Variants in CYFIP1 observed in about 807,000 individuals in gnomAD.
CYFIP1 encodes the protein cytoplasmic FMR1-interacting protein 1.
A neutral mutation model predicts 163.5 loss-of-function variants in CYFIP1; 58 were observed. That is an observed-to-expected ratio of 0.35 (90% CI 0.29 to 0.44). The LOEUF is 0.44. Among genes scored for constraint, CYFIP1 ranks in the 20% least tolerant of loss-of-function variants. CYFIP1 has a pLI of 1.00. For missense variants in CYFIP1, 1,338 were observed against 1,653.8 expected, an observed-to-expected ratio of 0.81 and a Z score of 3.31; for synonymous variants, 663 against 660.7, an observed-to-expected ratio of 1.00 and a Z score of -0.05.
intron 20 of CYFIP1, 36 bp downstream of exon 20, chr15:22,910,484 A>G (rs757348063): frequency 3.2e-6 from 5 of 1,558,838 alleles, no homozygotes; most frequent in East Asian, 4.5e-5. Context: ...TTCAATGCAC[A>G]CTCTACGTCC....
chr15:22,887,932 C>T (rs1381494899), intron 23 of CYFIP1, among the ~76,000 whole-genome samples: 1 of 152,164 alleles, frequency 6.6e-6, no homozygotes, highest in Admixed American at 6.5e-5. Context: ...ACAGAGCCGG[C>T]TCTGGACTCG....
intron 8 of CYFIP1, among the ~76,000 whole-genome samples, chr15:22,938,396 G>C (rs1225180048): frequency 6.6e-6 from 1 of 152,114 alleles, no homozygotes; most frequent in African/African-American, 2.4e-5. Context: ...CTTGAGCCCA[G>C]GAGTTCAAGG....
At chr15:22,871,894 G>T (rs562988833) in intron 30 of CYFIP1, among the ~76,000 whole-genome samples, 8 of 152,312 alleles carry the variant, frequency 5.3e-5, no homozygotes, top group Non-Finnish European at 7.4e-5. Context: ...AGAGGACCCA[G>T]CTGGGCCTGG....
chr15:22,929,707 G>A (rs376087152), intron 11 of CYFIP1, among the ~76,000 whole-genome samples: 3 of 149,320 alleles, frequency 2.0e-5, no homozygotes, highest in South Asian at 4.3e-4. Context: ...AGGCCGAGAC[G>A]GGCGGATCAC....
Position 22,912,283 on chromosome 15 carries a change from G to A in CYFIP1, c.1986-8C>T, listed in dbSNP as rs1000775575. The A allele has an allele frequency of 1.2e-6, 2 of 1,605,710 alleles. No homozygotes were observed. Among genetic ancestry groups the A allele is most frequent in the African/African-American group, 2.7e-5 (2 of 74,608 alleles). On this transcript the variant is annotated splice_polypyrimidine_tract_variant and splice_region_variant and intron_variant, in intron 17 of 30. Coordinates refer to ENST00000617928, the MANE Select transcript of CYFIP1 (RefSeq NM_014608.6). Reference sequence around the variant, plus strand: ...AGGGAGTAGAGCACGTACCTGCAGAGGACAGCAGCAGTGTGACCAGCAGCC... The same window carrying A: ...AGGGAGTAGAGCACGTACCTGCAGAAGACAGCAGCAGTGTGACCAGCAGCC...
chr15:22,934,542 C>T (rs375427679), intron 9 of CYFIP1, among the ~76,000 whole-genome samples: 7 of 89,746 alleles, frequency 7.8e-5, no homozygotes, highest in South Asian at 4.0e-4. Flanking sequence ...TACTAGGCTG[C>T]GCTGCAGTGC....
In CYFIP1 at chr15:22,867,205, A is replaced by T; in HGVS notation, c.*2823T>A. 2.4e-6 allele frequency: 1 copy of T among 421,168 alleles called. No individual in the cohort carries two copies. The highest frequency in any genetic ancestry group is 4.2e-6 in the Non-Finnish European group (1 of 240,084). 26.1% of individuals were successfully genotyped at this position (421,168 alleles called of 1,614,324 possible). On this transcript the variant is annotated 3_prime_UTR_variant, in exon 31 of 31. Transcript: ENST00000617928. ...AATGTGCATTTGTCATCCCCACTCC[A>T]TCAATCCCTGACCATGTAAGGCTTT...
intron 1 of CYFIP1, among the ~76,000 whole-genome samples, chr15:22,975,126 T>C (rs1369816256): frequency 6.6e-6 from 1 of 152,230 alleles, no homozygotes; most frequent in Non-Finnish European, 1.5e-5. Flanking sequence ...GAGAACACAG[T>C]ATGTAATACA....
chr15:22,956,548 C>T (rs1219314549), intron 1 of CYFIP1, among the ~76,000 whole-genome samples: 1 of 152,144 alleles, frequency 6.6e-6, no homozygotes, highest in Non-Finnish European at 1.5e-5. Flanking sequence ...TGGGAGAACA[C>T]AGGCCCCGTG....
rs746983048 is a variant in CYFIP1, at chr15:22,916,824, G to A, written c.1675-194C>T. On this transcript the variant is annotated intron_variant, in intron 15 of 30. Transcript: ENST00000617928. ...TGCTGCTTTGGGGAAAGAACAACTT[G>A]TAGCGGAGCAGTTCGCCTCCGTGCC... 3 of 1,559,018 alleles carry A rather than the reference G, an allele frequency of 1.9e-6. No homozygotes were observed. The South Asian group carries it at 3.5e-5, about 18-fold the overall frequency.
intron 28 of CYFIP1, among the ~76,000 whole-genome samples, chr15:22,874,108 T>A (rs2059512658): frequency 6.6e-6 from 1 of 152,148 alleles, no homozygotes; most frequent in African/African-American, 2.4e-5. Flanking sequence ...CTGCTAACCA[T>A]CCTACGATGC....
chr15:22,926,907 G>A (rs1416718070), intron 12 of CYFIP1, among the ~76,000 whole-genome samples: 2 of 152,140 alleles, frequency 1.3e-5, no homozygotes, highest in East Asian at 3.8e-4. Flanking sequence ...TTATGGCGAT[G>A]GACATCCCAA....
chr15:22,921,123 A>G (rs1293665626), intron 13 of CYFIP1, among the ~76,000 whole-genome samples: 1 of 152,186 alleles, frequency 6.6e-6, no homozygotes, highest in African/African-American at 2.4e-5. Context: ...TAATCCCAGT[A>G]TTTTGGGAGG....
intron 6 of CYFIP1, among the ~76,000 whole-genome samples, chr15:22,941,671 C>T (rs1338489473): frequency 6.6e-6 from 1 of 152,018 alleles, no homozygotes; most frequent in African/African-American, 2.4e-5. Context: ...CAGGCCCACT[C>T]TTTGGTGCTC....
At position 22,980,311 on chromosome 15, in the gene CYFIP1, C is replaced by T. The variant is rs2063442900; in HGVS notation, c.-31G>A. On this transcript the variant is annotated 5_prime_UTR_variant, in exon 1 of 31. Transcript: ENST00000617928. ...CCTGCGTCCGCGGCGGCTTGGGGGT[C>T]CTGGGCGGGCCCTGGGAGTTTCCTT... 1 of 151,848 alleles carries T rather than the reference C, an allele frequency of 6.6e-6. No individual in the cohort carries two copies. Among genetic ancestry groups the T allele is most frequent in the African/African-American group, 2.4e-5 (1 of 41,360 alleles). 9.4% of individuals were successfully genotyped at this position (151,848 alleles called of 1,614,324 possible).
intron 30 of CYFIP1, 72 bp downstream of exon 30, chr15:22,872,753 A>G: frequency 6.6e-7 from 1 of 1,509,056 alleles, no homozygotes; most frequent in Middle Eastern, 1.8e-4. Flanking sequence ...GCCAGAAACA[A>G]GAACTTATAA....
At position 22,963,719 on chromosome 15, in the gene CYFIP1, G is replaced by A. The variant is rs2062785180; in HGVS notation, c.-6-16428C>T. Reference sequence around the variant, plus strand: ...GGCTGGACGCTGGCACGTATCGCAGGCTGAACCCATCTCACCAGCCAGAGC... The same window carrying A: ...GGCTGGACGCTGGCACGTATCGCAGACTGAACCCATCTCACCAGCCAGAGC... On this transcript the variant is annotated intron_variant, in intron 1 of 30. Coordinates refer to ENST00000617928, the MANE Select transcript of CYFIP1 (RefSeq NM_014608.6). 2.0e-5 allele frequency among the ~76,000 whole-genome samples: 3 copies of A among 152,120 alleles called. No homozygotes were observed. The South Asian group carries it at 6.2e-4, about 32-fold the overall frequency.
intron 10 of CYFIP1, among the ~76,000 whole-genome samples, chr15:22,932,970 C>G (rs1328770672): frequency 2.0e-5 from 3 of 152,056 alleles, no homozygotes; most frequent in Non-Finnish European, 4.4e-5. Context: ...GTAGCTGGGA[C>G]TACAGGCGTG....
At chr15:22,879,002 G>C (rs756074320) in intron 26 of CYFIP1, among the ~76,000 whole-genome samples, 1 of 152,112 alleles carries the variant, frequency 6.6e-6, no homozygotes, top group Non-Finnish European at 1.5e-5. Flanking sequence ...TGGGCGTGGT[G>C]GTGGGCGCCT....
Sources: gnomAD v4.1 joint callset for allele counts (sites outside exome capture counted in the v4.1 genomes callset) on GRCh38, gnomAD v4.1.1 for gene constraint, MANE v1.5 for transcripts, NCBI Gene and HGNC (gene_info 2026-07-23, HGNC 2026-07-21) for gene names.